The following UMAD1 variants were observed in gnomAD, a reference collection of about 807,000 sequenced individuals.
UMAD1 encodes the protein UBAP1-MVB12-associated (UMA)-domain containing protein 1.
In UMAD1, 8 loss-of-function variants were observed where a neutral mutation model predicts 6.1. That is an observed-to-expected ratio of 1.30 (90% CI 0.76 to 2.35). The LOEUF is 2.35. UMAD1 is among the 30% of genes most tolerant of loss of function. UMAD1 has a pLI of 0.00. For synonymous variants in UMAD1, 56 were observed against 31.4 expected (o/e 1.78, Z -2.61); for missense variants, 130 against 78.4 (o/e 1.66, Z -2.49).
At chr7:7,699,370 A>C (rs1563134239) in intron 2 of UMAD1, among the ~76,000 whole-genome samples, 2 of 152,222 alleles carry the variant, frequency 1.3e-5, no homozygotes, top group African/African-American at 4.8e-5. Flanking sequence ...CAAGTTAAAA[A>C]TTTAATATCC....
chr7:7,792,298 A>G (rs1782581028), intron 2 of UMAD1, among the ~76,000 whole-genome samples: 1 of 152,162 alleles, frequency 6.6e-6, no homozygotes, highest in South Asian at 2.1e-4. Context: ...CTTTGAGGTT[A>G]TAACAGTTGT....
intron 2 of UMAD1, among the ~76,000 whole-genome samples, chr7:7,777,804 G>A (rs1355919180): frequency 1.3e-5 from 2 of 151,946 alleles, no homozygotes; most frequent in African/African-American, 4.8e-5. Flanking sequence ...TTATTTAAAA[G>A]CTCCTTTTCA....
At chr7:7,767,966 G>A (rs1236159925) in intron 2 of UMAD1, among the ~76,000 whole-genome samples, 1 of 152,138 alleles carries the variant, frequency 6.6e-6, no homozygotes, top group African/African-American at 2.4e-5. Context: ...TGTAGCACAT[G>A]TCATACTCTG....
chr7:7,842,633 T>G (rs1406311048), intron 3 of UMAD1, among the ~76,000 whole-genome samples: 1 of 151,060 alleles, frequency 6.6e-6, no homozygotes, highest in East Asian at 1.9e-4. Context: ...AAAAAAAAAC[T>G]AATATGGGTA....
intron 2 of UMAD1, among the ~76,000 whole-genome samples, chr7:7,793,626 G>A (rs947660417): frequency 3.3e-5 from 5 of 152,138 alleles, no homozygotes; most frequent in Non-Finnish European, 4.4e-5. Context: ...AATCAGAATC[G>A]TGTAGCAGAA....
intron 2 of UMAD1, among the ~76,000 whole-genome samples, chr7:7,764,313 T>C (rs1434970955): frequency 6.6e-6 from 1 of 152,122 alleles, no homozygotes; most frequent in African/African-American, 2.4e-5. Flanking sequence ...TATCAATATA[T>C]TGAGTGCTGA....
At chr7:7,666,616 T>C (rs1233689128) in intron 1 of UMAD1, among the ~76,000 whole-genome samples, 1 of 152,120 alleles carries the variant, frequency 6.6e-6, no homozygotes, top group Non-Finnish European at 1.5e-5. Context: ...ATTTTCCTTG[T>C]GGTGGTTTGC....
At chr7:7,807,040 T>G (rs1445311634) in intron 3 of UMAD1, among the ~76,000 whole-genome samples, 1 of 152,080 alleles carries the variant, frequency 6.6e-6, no homozygotes, top group Non-Finnish European at 1.5e-5. Context: ...GTGTTAGACA[T>G]GGTGGTAGGG....
chr7:7,709,670 A>G (rs1217267796), intron 2 of UMAD1, among the ~76,000 whole-genome samples: 1 of 152,210 alleles, frequency 6.6e-6, no homozygotes, highest in Non-Finnish European at 1.5e-5. Flanking sequence ...TACAATTTAT[A>G]ATAACTGTTT....
chr7:7,800,481 T>C (rs1782777281), intron 2 of UMAD1, among the ~76,000 whole-genome samples: 1 of 152,110 alleles, frequency 6.6e-6, no homozygotes, highest in South Asian at 2.1e-4. Context: ...GAACAGATGG[T>C]GTTTGGTACA....
intron 2 of UMAD1, among the ~76,000 whole-genome samples, chr7:7,730,687 C>A (rs1781230586): frequency 6.6e-6 from 1 of 152,090 alleles, no homozygotes; most frequent in Non-Finnish European, 1.5e-5. Context: ...AATAAGCATG[C>A]ATTTCTCTTA....
chr7:7,858,221 C>T (rs780393646), intron 3 of UMAD1, among the ~76,000 whole-genome samples: 17 of 152,100 alleles, frequency 1.1e-4, no homozygotes, highest in Non-Finnish European at 1.9e-4. Flanking sequence ...AGCTTAAGAC[C>T]GATTTGATGT....
chr7:7,760,010 A>G (rs1161581310), intron 2 of UMAD1, among the ~76,000 whole-genome samples: 2 of 152,270 alleles, frequency 1.3e-5, no homozygotes, highest in East Asian at 1.9e-4. Context: ...TCAATAGAAT[A>G]TGGCCAAAGA....
At chr7:7,854,027 C>T (rs1333642194) in intron 3 of UMAD1, among the ~76,000 whole-genome samples, 1 of 152,056 alleles carries the variant, frequency 6.6e-6, no homozygotes, top group Non-Finnish European at 1.5e-5. Context: ...CTCACGTTGC[C>T]ATAAGGAAAT....
intron 2 of UMAD1, among the ~76,000 whole-genome samples, chr7:7,751,462 A>G (rs1393560886): frequency 6.6e-6 from 1 of 152,218 alleles, no homozygotes. Context: ...GTGAATCTCA[A>G]TTTTGGCAGA....
chr7:7,877,448 C>T lies in UMAD1; in HGVS notation c.324C>T (p.Pro108=), dbSNP rs533343675. 1.8e-5 allele frequency: 13 copies of T among 717,540 alleles called. No individual in the cohort carries two copies. The highest frequency in any genetic ancestry group is 1.0e-4 in the African/African-American group (6 of 57,238). The allele number at this position is 717,540 out of a possible 1,614,324, so 44.4% of individuals were successfully genotyped here. Residue 108 remains proline (P), a synonymous_variant, in exon 4 of 4, where the codon CCC becomes CCT. Transcript: ENST00000682710. ...LAVQGTITDL[P]DHLLSYDGSE... Reference sequence around the variant, plus strand: ...TACAGGGCACCATCACTGACCTTCCCGACCACTTACTCTCCTATGATGGCA... The same window carrying T: ...TACAGGGCACCATCACTGACCTTCCTGACCACTTACTCTCCTATGATGGCA...
chr7:7,696,740 G>C (rs950743009), intron 2 of UMAD1, among the ~76,000 whole-genome samples: 1 of 152,088 alleles, frequency 6.6e-6, no homozygotes, highest in Non-Finnish European at 1.5e-5. Flanking sequence ...TCAATAGTGG[G>C]CACTGATTCT....
chr7:7,760,540 T>C (rs941220635), intron 2 of UMAD1, among the ~76,000 whole-genome samples: 38 of 152,172 alleles, frequency 2.5e-4, no homozygotes, highest in African/African-American at 8.9e-4. Flanking sequence ...TTTCTTTAGA[T>C]GCTTGCTGAA....
At chr7:7,817,517 A>G (rs746878255) in intron 3 of UMAD1, among the ~76,000 whole-genome samples, 1 of 152,232 alleles carries the variant, frequency 6.6e-6, no homozygotes, top group Non-Finnish European at 1.5e-5. Flanking sequence ...CTCCGAAGTG[A>G]ATTATTCTCA....
Sources: allele counts gnomAD v4.1 joint callset (sites outside exome capture counted in the v4.1 genomes callset), GRCh38; gene constraint gnomAD v4.1.1; transcripts MANE v1.5; gene names NCBI Gene and HGNC (gene_info 2026-07-23, HGNC 2026-07-21).